GPHN: variants seen among roughly 807,000 people sequenced by gnomAD.
The protein encoded by GPHN is gephyrin.
In GPHN, 17 loss-of-function variants were observed where a neutral mutation model predicts 95.5. The observed-to-expected ratio is 0.18, with a 90% CI of 0.12 to 0.27. The LOEUF (loss-of-function observed/expected upper bound fraction) is 0.27. GPHN is among the 10% of genes least tolerant of loss of function. The pLI is 1.00. For synonymous variants in GPHN, 320 were observed against 322.5 expected (o/e 0.99, Z 0.08); for missense variants, 660 against 978.1 (o/e 0.67, Z 4.34).
chr14:67,229,656 A>G, the GPHN span, among the ~76,000 whole-genome samples: 1 of 152,322 alleles, frequency 6.6e-6, no homozygotes, highest in South Asian at 2.1e-4. Flanking sequence ...GTCTTTGAGA[A>G]AAAAAGAATG....
the GPHN span, among the ~76,000 whole-genome samples, chr14:67,230,035 T>C: frequency 2.6e-5 from 4 of 152,218 alleles, no homozygotes; most frequent in African/African-American, 9.6e-5. Flanking sequence ...GGTATATACG[T>C]AAACCAACAG....
At chr14:66,763,610 T>C (rs2058844659) in intron 2 of GPHN, among the ~76,000 whole-genome samples, 2 of 151,888 alleles carry the variant, frequency 1.3e-5, no homozygotes, top group Non-Finnish European at 2.9e-5. Flanking sequence ...ATGGTGTATA[T>C]GTGCCACATT....
At chr14:67,057,190 G>C (rs1453495427) in intron 10 of GPHN, among the ~76,000 whole-genome samples, 1 of 152,194 alleles carries the variant, frequency 6.6e-6, no homozygotes, top group Non-Finnish European at 1.5e-5. Flanking sequence ...CCAAGGAGGT[G>C]CCAAGAGTGA....
chr14:67,177,707 G>C (rs1179901284), intron 21 of GPHN, among the ~76,000 whole-genome samples: 1 of 152,118 alleles, frequency 6.6e-6, no homozygotes, highest in African/African-American at 2.4e-5. Flanking sequence ...TATTGTGTGG[G>C]AGTCTAAGTC....
At chr14:67,199,898 C>T in the GPHN span, 76 of 1,481,476 alleles carry the variant, frequency 5.1e-5, 1 homozygote, top group South Asian at 1.0e-3. Flanking sequence ...TCGGCAGGAA[C>T]CCCAGGGGCA....
intron 9 of GPHN, chr14:66,969,299 G>C (rs2153590304): frequency 6.6e-6 from 1 of 152,230 alleles, no homozygotes; most frequent in Non-Finnish European, 1.5e-5. Flanking sequence ...GAGTAAAATA[G>C]TGCCTAAGTC....
intron 8 of GPHN, among the ~76,000 whole-genome samples, chr14:66,954,054 G>A (rs1171640730): frequency 1.4e-5 from 2 of 147,238 alleles, no homozygotes; most frequent in African/African-American, 5.0e-5. Flanking sequence ...AAAAAAAAAG[G>A]AAGAAAGCAG....
intron 8 of GPHN, among the ~76,000 whole-genome samples, chr14:66,945,307 G>A (rs968276561): frequency 2.0e-5 from 3 of 152,194 alleles, no homozygotes; most frequent in Admixed American, 6.5e-5. Context: ...CCTCCCCACT[G>A]CAAATGGTGC....
chr14:66,868,758 C>G (rs1443865270), intron 4 of GPHN, among the ~76,000 whole-genome samples: 1 of 152,024 alleles, frequency 6.6e-6, no homozygotes, highest in African/African-American at 2.4e-5. Context: ...GTCATTTTTC[C>G]TATGAAGTTA....
chr14:67,123,486 C>CT (rs2079121452), intron 17 of GPHN, among the ~76,000 whole-genome samples: 1 of 152,138 alleles, frequency 6.6e-6, no homozygotes, highest in Non-Finnish European at 1.5e-5. Context: ...ACCAGTCTGA[C>CT]TAACATGGAG....
the GPHN span, among the ~76,000 whole-genome samples, chr14:67,712,536 A>T: frequency 6.6e-6 from 1 of 150,532 alleles, no homozygotes; most frequent in East Asian, 2.0e-4. Flanking sequence ...TTTGGGTGAG[A>T]AAAAAACAAA....
At chr14:67,222,850 A>G in the GPHN span, among the ~76,000 whole-genome samples, 2 of 152,196 alleles carry the variant, frequency 1.3e-5, no homozygotes, top group African/African-American at 4.8e-5. Flanking sequence ...GCATAAGTGA[A>G]GAGAAAAAAA....
At chr14:67,596,165 G>A in the GPHN span, among the ~76,000 whole-genome samples, 229 of 151,922 alleles carry the variant, frequency 1.5e-3, 1 homozygote, top group African/African-American at 4.7e-3. Flanking sequence ...AATTTCACTC[G>A]TTTCCCTGGC....
chr14:67,215,425 AC>A, the GPHN span, among the ~76,000 whole-genome samples: 1 of 151,960 alleles, frequency 6.6e-6, no homozygotes, highest in Non-Finnish European at 1.5e-5. Context: ...TTTTATGATA[AC>A]CACTGAGCTA....
intron 2 of GPHN, among the ~76,000 whole-genome samples, chr14:66,770,268 TTCTGTAGGTTGCC>T (rs1187155589): frequency 6.6e-6 from 1 of 152,214 alleles, no homozygotes; most frequent in Non-Finnish European, 1.5e-5. Context: ...TTTTCTCCTA[TTCTGTAGGTTGCC>T]TGTTTAATCT....
the GPHN span, chr14:67,585,667 G>A: frequency 2.0e-6 from 3 of 1,522,608 alleles, no homozygotes; most frequent in African/African-American, 4.1e-5. Context: ...ATGAAAGGAT[G>A]CAGGCTGCTC....
In GPHN at chr14:66,677,457, A is replaced by G. The variant is rs573288413; in HGVS notation, c.65-3650A>G. On this transcript the variant is annotated intron_variant, in intron 1 of 22. Coordinates refer to ENST00000478722, the MANE Select transcript of GPHN (RefSeq NM_020806.5). The stretch of plus-strand genomic sequence containing the variant: ...TATAAGTTTTTGGTATGCTGTTTCT[A>G]TATTAATTTGTTTCAAGACTTCTTT... Among the ~76,000 whole-genome samples the G allele has an allele frequency of 3.0e-4, 45 of 152,186 alleles. No individual in the cohort carries two copies. In the South Asian group the frequency reaches 7.9e-3, roughly 27 times the overall value.
chr14:67,595,854 A>G, the GPHN span, among the ~76,000 whole-genome samples: 1 of 152,188 alleles, frequency 6.6e-6, no homozygotes, highest in Non-Finnish European at 1.5e-5. Flanking sequence ...AAGAGCCGGA[A>G]TCAAATGAGT....
chr14:66,638,427 A>G (rs1458348664), intron 1 of GPHN, among the ~76,000 whole-genome samples: 2 of 152,108 alleles, frequency 1.3e-5, no homozygotes, highest in African/African-American at 4.8e-5. Context: ...AGAGGGAAAC[A>G]CTATCTCAAA....
Sources: gnomAD v4.1 joint callset for allele counts (sites outside exome capture counted in the v4.1 genomes callset) on GRCh38, gnomAD v4.1.1 for gene constraint, MANE v1.5 for transcripts, NCBI Gene and HGNC (gene_info 2026-07-23, HGNC 2026-07-21) for gene names.